RNF213: variants seen among roughly 807,000 people sequenced by gnomAD.
RNF213 encodes the protein ring finger protein 213, also known as E3 ubiquitin-protein ligase RNF213.
In RNF213, 341 loss-of-function variants were observed where a neutral mutation model predicts 514.4. The ratio of observed to expected loss-of-function variants is 0.66; its 90% CI spans 0.61 to 0.73. The LOEUF is 0.73. Ranked by LOEUF, RNF213 falls within the 30% of genes least tolerant of loss-of-function variation. RNF213 has a pLI of 0.00. For missense variants in RNF213, 5,767 were observed against 6,615.6 expected, an observed-to-expected ratio of 0.87 and a Z score of 4.45; for synonymous variants, 2,655 against 2,658.2, an observed-to-expected ratio of 1.00 and a Z score of 0.04.
chr17:80,330,383 G>C (rs932147481), intron 20 of RNF213, among the ~76,000 whole-genome samples: 2 of 152,202 alleles, frequency 1.3e-5, no homozygotes, highest in African/African-American at 4.8e-5. Context: ...TGCTGCCGTG[G>C]GGTGCTGTGG....
intron 49 of RNF213, among the ~76,000 whole-genome samples, chr17:80,373,637 C>G (rs111893179): frequency 6.6e-6 from 1 of 152,052 alleles, no homozygotes; most frequent in Non-Finnish European, 1.5e-5. Flanking sequence ...AAGGTGCGAC[C>G]TTTTTACCTC....
At chr17:80,366,476 C>A (rs2079278782) in intron 42 of RNF213, among the ~76,000 whole-genome samples, 1 of 152,076 alleles carries the variant, frequency 6.6e-6, no homozygotes, top group Admixed American at 6.6e-5. Flanking sequence ...TTGCATTTCT[C>A]TAATGACTAG....
Position 80,297,841 on chromosome 17 carries a change from C to A in RNF213, c.2013-480C>A, listed in dbSNP as rs1329585860. Among the ~76,000 whole-genome samples, 3 of 151,602 alleles carry A rather than the reference C, an allele frequency of 2.0e-5. No individual in the cohort carries two copies. In the East Asian group the frequency reaches 5.8e-4, roughly 29 times the overall value. The stretch of plus-strand genomic sequence containing the variant: ...TGGGTGTGGTGGTGCACCTGTAATT[C>A]CAGCACTGGAGAGGCTGAGGCAGGA... On this transcript the variant is annotated intron_variant, in intron 10 of 67. Coordinates refer to ENST00000582970, the MANE Select transcript of RNF213 (RefSeq NM_001256071.3).
intron 2 of RNF213, among the ~76,000 whole-genome samples, chr17:80,270,664 C>T (rs566695988): frequency 2.0e-5 from 3 of 152,150 alleles, no homozygotes; most frequent in Non-Finnish European, 2.9e-5. Flanking sequence ...TTTCCTTGAG[C>T]GGCCTGTCTG....
rs1266612843 is a variant in RNF213, at chr17:80,315,258, A to G, written c.2812-1930A>G. ...ACTGGAGGTGATGGTGGTGGACGTG[A>G]TGGTGGAGGTAATGGAGGTGATGGT... On this transcript the variant is annotated intron_variant, in intron 15 of 67. Coordinates refer to ENST00000582970, the MANE Select transcript of RNF213 (RefSeq NM_001256071.3). Among the ~76,000 whole-genome samples the G allele has an allele frequency of 2.5e-4, 4 of 15,760 alleles. No homozygotes were observed. The South Asian group carries it at 8.2e-3, about 32-fold the overall frequency. The allele number at this position is 15,760 out of a possible 152,430, so 10.3% of individuals were successfully genotyped here. A position where few individuals can be genotyped will look rare whatever the true frequency, so the allele number is the denominator to read the frequency against.
At chr17:80,338,021 C>T (rs561062142) in intron 25 of RNF213, 24 bp downstream of exon 25, 22 of 1,537,048 alleles carry the variant, frequency 1.4e-5, no homozygotes, top group East Asian at 4.9e-5. Context: ...TTTGCAGTGG[C>T]GCTAAGCTGG....
rs1366252180 is a variant in RNF213, at chr17:80,298,330, G to C, written c.2022G>C (p.Leu674=). 1.9e-6 allele frequency: 3 copies of C among 1,614,048 alleles called. No individual in the cohort carries two copies. Among genetic ancestry groups the C allele is most frequent in the African/African-American group, 2.7e-5 (2 of 74,940 alleles). Residue 674 remains leucine (L), a synonymous_variant, in exon 11 of 68, where the codon CTG becomes CTC. Coordinates refer to ENST00000582970, the MANE Select transcript of RNF213 (RefSeq NM_001256071.3). ...HILGIPQSWR[L]YLVNLCQRCM... ...CTTTATTCCCTTCCAGCTGGCGGCTGTACCTGGTGAACCTGTGCCAAAGAT... is the reference window on the plus strand; with the variant it reads ...CTTTATTCCCTTCCAGCTGGCGGCTCTACCTGGTGAACCTGTGCCAAAGAT...
At chr17:80,349,226 C>T (rs957915142) in intron 29 of RNF213, among the ~76,000 whole-genome samples, 6 of 152,120 alleles carry the variant, frequency 3.9e-5, no homozygotes, top group South Asian at 4.1e-4. Flanking sequence ...TGATGTCCGC[C>T]GGGGACAGGT....
At chr17:80,273,655 T>C (rs1203093615) in intron 3 of RNF213, among the ~76,000 whole-genome samples, 3 of 147,514 alleles carry the variant, frequency 2.0e-5, no homozygotes, top group South Asian at 2.2e-4. Context: ...GTTTCGCTCT[T>C]GTTGCCCAGG....
In RNF213 at chr17:80,353,860, TG is replaced by T. The variant is rs2078627019; in HGVS notation, c.10579-153del. ...GTCAAGGGCATCTGCACCGGCAGTT[TG>T]GGGGGTGCAGGGCGGAGGTCGGCGT... On this transcript the variant is annotated intron_variant, in intron 34 of 67. Transcript: ENST00000582970. This position sits in a 1 kb window ranked among gnomAD's most constrained non-coding sequence, Gnocchi z 5.0. 5 of 1,189,878 alleles carry T rather than the reference TG, an allele frequency of 4.2e-6. No homozygotes were observed. The highest frequency in any genetic ancestry group is 2.5e-5 in the East Asian group (1 of 40,090). The allele number at this position is 1,189,878 out of a possible 1,614,324, so 73.7% of individuals were successfully genotyped here. A position where few individuals can be genotyped will look rare whatever the true frequency, so the allele number is the denominator to read the frequency against.
chr17:80,336,610 CG>C (rs1199652443), intron 23 of RNF213: 8 of 565,538 alleles, frequency 1.4e-5, no homozygotes, highest in African/African-American at 1.1e-4. Flanking sequence ...GCAAAACACA[CG>C]TGGAAAAAAG....
At chr17:80,363,825 T>A in intron 41 of RNF213, 35 bp downstream of exon 41, 1 of 1,598,388 alleles carries the variant, frequency 6.3e-7, no homozygotes. Context: ...CTGCTTCATC[T>A]GGCGCGCGCT....
In RNF213 at chr17:80,324,945, A is replaced by G. The variant is rs542829497; in HGVS notation, c.3025-85A>G. ...AGTTACAGTAGATTTCAGAAATGCT[A>G]TCGAGTAGGTAATTTGCTTTTGTTA... On this transcript the variant is annotated intron_variant, in intron 17 of 67. Coordinates refer to ENST00000582970, the MANE Select transcript of RNF213 (RefSeq NM_001256071.3). The G allele has an allele frequency of 1.5e-4, 191 of 1,268,748 alleles. No homozygotes were observed. In the South Asian group the frequency reaches 2.4e-3, roughly 16 times the overall value. The allele number at this position is 1,268,748 out of a possible 1,614,324, so 78.6% of individuals were successfully genotyped here.
At chr17:80,339,158 T>C in intron 25 of RNF213, 43 bp from the exon 26 acceptor site, 1 of 1,434,922 alleles carries the variant, frequency 7.0e-7, no homozygotes, top group Non-Finnish European at 9.2e-7. Context: ...TGTTACCCTC[T>C]CGCATGGCTC....
At chr17:80,373,537 T>G (rs1022416180) in intron 49 of RNF213, among the ~76,000 whole-genome samples, 3 of 151,988 alleles carry the variant, frequency 2.0e-5, no homozygotes, top group African/African-American at 7.2e-5. Context: ...CTTCTTTAAT[T>G]AGGCATCACT....
chr17:80,309,620 A>G (rs1234731890), intron 14 of RNF213, among the ~76,000 whole-genome samples: 1 of 152,162 alleles, frequency 6.6e-6, no homozygotes, highest in Non-Finnish European at 1.5e-5. Flanking sequence ...TGAATACAGT[A>G]ACAAAGGCCA....
intron 7 of RNF213, 51 bp from the exon 8 acceptor site, chr17:80,291,577 A>C (rs1486085800): frequency 6.3e-7 from 1 of 1,582,906 alleles, no homozygotes; most frequent in Non-Finnish European, 8.7e-7. Flanking sequence ...AATAACTAAA[A>C]TTTCCGGGGT....
chr17:80,390,301 C>T (rs2080413112), intron 67 of RNF213, 105 bp downstream of exon 67: 1 of 1,327,590 alleles, frequency 7.5e-7, no homozygotes, highest in Non-Finnish European at 1.1e-6. Context: ...CACAGAATCC[C>T]ATTTCCTGCT....
chr17:80,272,382 G>A (rs1255414725), intron 2 of RNF213, among the ~76,000 whole-genome samples: 1 of 152,260 alleles, frequency 6.6e-6, no homozygotes, highest in East Asian at 1.9e-4. Flanking sequence ...TGGCCCTGAT[G>A]TCTGGTGAGG....
Sources: allele counts gnomAD v4.1 joint callset (sites outside exome capture counted in the v4.1 genomes callset), GRCh38; gene constraint gnomAD v4.1.1; non-coding constraint Gnocchi (gnomAD v3.1); transcripts MANE v1.5; gene names NCBI Gene and HGNC (gene_info 2026-07-23, HGNC 2026-07-21).